The following ARHGEF28 variants were observed in gnomAD, a reference collection of about 807,000 sequenced individuals.
ARHGEF28 encodes the protein Rho guanine nucleotide exchange factor 28.
Under a neutral mutation model 206.6 loss-of-function variants are expected in ARHGEF28, and 152 were observed. That is an observed-to-expected ratio of 0.74 (90% CI 0.64 to 0.84). ARHGEF28 has a LOEUF of 0.84. Ranked by LOEUF, ARHGEF28 falls within the 40% of genes least tolerant of loss-of-function variation. The pLI, the probability that ARHGEF28 is intolerant of heterozygous loss-of-function variation, is 0.00. For synonymous variants in ARHGEF28, 763 were observed against 776.4 expected (o/e 0.98, Z 0.29); for missense variants, 2,028 against 2,073.2 (o/e 0.98, Z 0.42).
intron 23 of ARHGEF28, 56 bp downstream of exon 23, chr5:73,882,650 A>G (rs1761028657): frequency 5.1e-6 from 7 of 1,375,214 alleles, no homozygotes; most frequent in Non-Finnish European, 6.8e-6. Context: ...GAAATAGTTT[A>G]TGCTTGTTTC....
In ARHGEF28 at chr5:73,835,980, G is replaced by GA. The variant is rs1264365148; in HGVS notation, c.1146+3528dup. On this transcript the variant is annotated intron_variant, in intron 10 of 35. Coordinates refer to ENST00000513042, the MANE Select transcript of ARHGEF28 (RefSeq NM_001177693.2). ...GTGTTGATTGTTGAGTAAGAGAATAGAAAAAAAGACTGTTTTTATCCCTAT... is the reference window on the plus strand; with the variant it reads ...GTGTTGATTGTTGAGTAAGAGAATAGAAAAAAAAGACTGTTTTTATCCCTAT... 6.6e-5 allele frequency among the ~76,000 whole-genome samples: 10 copies of GA among 152,070 alleles called. No homozygotes were observed. The South Asian group carries it at 1.5e-3, about 22-fold the overall frequency.
At chr5:73,879,159 C>G (rs1335665729) in intron 22 of ARHGEF28, among the ~76,000 whole-genome samples, 2 of 152,156 alleles carry the variant, frequency 1.3e-5, no homozygotes, top group Non-Finnish European at 2.9e-5. Flanking sequence ...TCCCTTCTTG[C>G]TTCATTTCAT....
chr5:73,930,367 T>G (rs752306510), intron 35 of ARHGEF28, among the ~76,000 whole-genome samples: 44 of 152,360 alleles, frequency 2.9e-4, no homozygotes, highest in Non-Finnish European at 5.0e-4. Flanking sequence ...CATTTCATTT[T>G]TATTGGCTGT....
At chr5:73,675,777 T>C (rs1003222163) in intron 1 of ARHGEF28, among the ~76,000 whole-genome samples, 4 of 149,522 alleles carry the variant, frequency 2.7e-5, no homozygotes, top group South Asian at 4.3e-4. Context: ...ATTTATAAAG[T>C]TTATATTTCA....
At chr5:73,938,063 G>A (rs1220738460) in intron 35 of ARHGEF28, among the ~76,000 whole-genome samples, 1 of 151,946 alleles carries the variant, frequency 6.6e-6, no homozygotes. Context: ...AACATGGGCT[G>A]TTCACCTTAG....
At chr5:73,842,094 A>G (rs1166052448) in intron 11 of ARHGEF28, among the ~76,000 whole-genome samples, 4 of 152,138 alleles carry the variant, frequency 2.6e-5, no homozygotes, top group Admixed American at 6.5e-5. Flanking sequence ...GTATCTGTCT[A>G]TCTGATTGTC....
intron 35 of ARHGEF28, among the ~76,000 whole-genome samples, chr5:73,932,800 CTTTTTTTTTTTT>C (rs386404110): frequency 2.7e-5 from 2 of 73,422 alleles, no homozygotes; most frequent in South Asian, 5.8e-4. Context: ...TTTCCTATTT[CTTTTTTTTTTTT>C]TTTTTTTTTT....
intron 35 of ARHGEF28, among the ~76,000 whole-genome samples, chr5:73,938,159 A>AG (rs1427305465): frequency 1.4e-4 from 4 of 29,064 alleles, no homozygotes; most frequent in Admixed American, 4.5e-4. Flanking sequence ...TCTACACTAC[A>AG]CCACACACAC....
Position 73,857,782 on chromosome 5 carries a change from A to G in ARHGEF28, c.1914+3A>G. 1.9e-6 allele frequency: 3 copies of G among 1,609,352 alleles called. No homozygotes were observed. Among genetic ancestry groups the G allele is most frequent in the Non-Finnish European group, 2.5e-6 (3 of 1,178,252 alleles). The stretch of plus-strand genomic sequence containing the variant: ...CTAGCCCTCGGAATAAATCAAAGGT[A>G]ATTAAAGTGATTCACTTATTTTCTA... On this transcript the variant is annotated splice_donor_region_variant and intron_variant, in intron 15 of 35. Coordinates refer to ENST00000513042, the MANE Select transcript of ARHGEF28 (RefSeq NM_001177693.2).
intron 14 of ARHGEF28, 69 bp from the exon 15 acceptor site, chr5:73,857,587 A>C: frequency 7.3e-7 from 1 of 1,379,156 alleles, no homozygotes; most frequent in Non-Finnish European, 9.9e-7. Context: ...ACACACACAC[A>C]TACACACACA....
Position 73,904,274 on chromosome 5 carries a change from C to T in ARHGEF28, c.4113+14C>T, listed in dbSNP as rs1452934531. 6.2e-7 allele frequency: 1 copy of T among 1,613,780 alleles called. No individual in the cohort carries two copies. The highest frequency in any genetic ancestry group is 1.1e-5 in the South Asian group (1 of 91,068). On this transcript the variant is annotated intron_variant, in intron 32 of 35. Coordinates refer to ENST00000513042, the MANE Select transcript of ARHGEF28 (RefSeq NM_001177693.2). ...TCACAATCAGAGGTGAGCTGCTGCA[C>T]ATACCTTAAATGTATCACCAGCCTT...
chr5:73,766,583 T>C (rs1033434275), intron 4 of ARHGEF28, among the ~76,000 whole-genome samples: 5 of 152,214 alleles, frequency 3.3e-5, no homozygotes, highest in Non-Finnish European at 7.3e-5. Flanking sequence ...TGGCTTTGCA[T>C]TGGAATCACT....
At chr5:73,736,887 AG>A (rs1159383236) in intron 2 of ARHGEF28, among the ~76,000 whole-genome samples, 1 of 152,026 alleles carries the variant, frequency 6.6e-6, no homozygotes, top group Admixed American at 6.5e-5. Flanking sequence ...AGAAACAGTG[AG>A]GGGCAAGAAA....
chr5:73,788,864 G>A (rs948440499), intron 7 of ARHGEF28, among the ~76,000 whole-genome samples: 1 of 152,134 alleles, frequency 6.6e-6, no homozygotes, highest in Non-Finnish European at 1.5e-5. Context: ...ACCAAATTTT[G>A]GGGCTGAGGA....
At chr5:73,688,676 G>T (rs80238475) in intron 2 of ARHGEF28, among the ~76,000 whole-genome samples, 1 of 151,530 alleles carries the variant, frequency 6.6e-6, no homozygotes, top group Non-Finnish European at 1.5e-5. Flanking sequence ...GCTTTTTTTT[G>T]AGATGGAGTC....
At chr5:73,761,511 T>C (rs1220644850) in intron 4 of ARHGEF28, among the ~76,000 whole-genome samples, 1 of 152,124 alleles carries the variant, frequency 6.6e-6, no homozygotes, top group Admixed American at 6.5e-5. Context: ...TGAATAATTG[T>C]GCGTCCTGTT....
intron 24 of ARHGEF28, among the ~76,000 whole-genome samples, chr5:73,884,778 A>ATACTTTTATCTGGAGTT (rs768866738): frequency 0.28 from 42,681 of 152,030 alleles, 7,201 homozygotes; most frequent in African/African-American, 0.47. Context: ...ATCACCAAAT[A>ATACTTTTATCTGGAGTT]TCAATGCTGC....
rs951363102 is a variant in ARHGEF28 at position 73,639,259 on chromosome 5, C to CT, written c.-12+12945dup. On this transcript the variant is annotated intron_variant, in intron 1 of 35. Transcript: ENST00000513042. ...TATATATATATAATATATATACATC[C>CT]TTTTTTTTACAATGAGCATGAGCTA... 1.4e-4 allele frequency among the ~76,000 whole-genome samples: 20 copies of CT among 147,664 alleles called. No homozygotes were observed. In the East Asian group the frequency reaches 2.1e-3, roughly 16 times the overall value.
chr5:73,886,588 G>A (rs1035930558), intron 25 of ARHGEF28, among the ~76,000 whole-genome samples: 1 of 152,198 alleles, frequency 6.6e-6, no homozygotes, highest in Admixed American at 6.5e-5. Context: ...CTTTTCCTCA[G>A]TGCTACTGTT....
Sources: allele counts gnomAD v4.1 joint callset (sites outside exome capture counted in the v4.1 genomes callset), GRCh38; gene constraint gnomAD v4.1.1; transcripts MANE v1.5; gene names NCBI Gene and HGNC (gene_info 2026-07-23, HGNC 2026-07-21).